The following OTUD7A variants were observed in gnomAD, a reference collection of about 807,000 sequenced individuals.
OTUD7A encodes the protein OTU deubiquitinase 7A, also known as OTU domain-containing protein 7A.
In OTUD7A, 12 loss-of-function variants were observed where a neutral mutation model predicts 65.7. The observed-to-expected ratio is 0.18, with a 90% CI of 0.12 to 0.30. The LOEUF (loss-of-function observed/expected upper bound fraction) is 0.30, where lower values mean the gene tolerates loss of function less well. OTUD7A is among the 10% of genes least tolerant of loss of function. OTUD7A has a pLI of 1.00. For missense variants in OTUD7A, 1,148 were observed against 1,304.8 expected (o/e 0.88, Z 1.85); for synonymous variants, 641 against 586.3 (o/e 1.09, Z -1.35).
Position 31,863,590 on chromosome 15 carries a change from G to A in OTUD7A, c.-100+6917C>T, listed in dbSNP as rs193011813. Reference sequence around the variant, plus strand: ...CTCTATGTAGGCCCCTTTTGGCCACGGGTGGAATGGCTGAGACACAGGGCA... The same window carrying A: ...CTCTATGTAGGCCCCTTTTGGCCACAGGTGGAATGGCTGAGACACAGGGCA... On this transcript the variant is annotated intron_variant, in intron 1 of 12. Coordinates refer to ENST00000307050, the MANE Select transcript of OTUD7A (RefSeq NM_001382637.1). Among the ~76,000 whole-genome samples the A allele has an allele frequency of 8.5e-5, 13 of 152,262 alleles. No individual in the cohort carries two copies. In the East Asian group the frequency reaches 2.1e-3, roughly 25 times the overall value.
chr15:31,787,194 T>A (rs78375821), intron 1 of OTUD7A, among the ~76,000 whole-genome samples: 2,220 of 152,258 alleles, frequency 0.015, 60 homozygotes, highest in African/African-American at 0.052. Context: ...TGTGATGGCC[T>A]TATTGGAGCA....
Position 31,648,847 on chromosome 15 carries a change from G to A in OTUD7A, c.151+6249C>T, listed in dbSNP as rs139903588. On this transcript the variant is annotated intron_variant, in intron 3 of 12. Coordinates refer to ENST00000307050, the MANE Select transcript of OTUD7A (RefSeq NM_001382637.1). ...GCGATCTCAGCTCACTACAACCTCC[G>A]CCTCCTGGGTTTAAGCGATTCTCCT... 4.6e-3 allele frequency among the ~76,000 whole-genome samples: 699 copies of A among 152,200 alleles called. 4 individuals are homozygous for A. The highest frequency in any genetic ancestry group is 0.016 in the African/African-American group (670 of 41,530).
intron 1 of OTUD7A, among the ~76,000 whole-genome samples, chr15:31,801,972 C>T (rs2140949590): frequency 6.6e-6 from 1 of 152,208 alleles, no homozygotes; most frequent in Admixed American, 6.5e-5. Flanking sequence ...ATCCTGCAAG[C>T]TCCATGTACC....
chr15:31,641,283 C>T (rs1891509013), intron 3 of OTUD7A, among the ~76,000 whole-genome samples: 1 of 152,096 alleles, frequency 6.6e-6, no homozygotes, highest in Non-Finnish European at 1.5e-5. Flanking sequence ...TGAGGCCTCC[C>T]CAGTAATGTG....
In OTUD7A at chr15:31,866,118, T is replaced by C. The variant is rs78017509; in HGVS notation, c.-100+4389A>G. Reference sequence around the variant, plus strand: ...ACTTGTATTAGCATTAATGTGTATTTGACTTCTCAGAATGTGAGATGCTGT... The same window carrying C: ...ACTTGTATTAGCATTAATGTGTATTCGACTTCTCAGAATGTGAGATGCTGT... On this transcript the variant is annotated intron_variant, in intron 1 of 12. Coordinates refer to ENST00000307050, the MANE Select transcript of OTUD7A (RefSeq NM_001382637.1). Among the ~76,000 whole-genome samples, 1,372 of 152,382 alleles carry C rather than the reference T, an allele frequency of 9.0e-3. 24 individuals carry two copies. The highest frequency in any genetic ancestry group is 0.031 in the African/African-American group (1,304 of 41,592).
intron 10 of OTUD7A, among the ~76,000 whole-genome samples, chr15:31,490,489 A>T (rs1241783484): frequency 6.6e-6 from 1 of 152,232 alleles, no homozygotes; most frequent in African/African-American, 2.4e-5. Flanking sequence ...CAAATTCACA[A>T]CTTATCTTTA....
Position 31,484,870 on chromosome 15 carries a change from G to A in OTUD7A, c.1372-146C>T, listed in dbSNP as rs912318882. Reference sequence around the variant, plus strand: ...AGTCCCCACTGTCGCTCTGGTGACTGTGACATCCGGATGGGCGGTGCTGAA... The same window carrying A: ...AGTCCCCACTGTCGCTCTGGTGACTATGACATCCGGATGGGCGGTGCTGAA... On this transcript the variant is annotated intron_variant, in intron 12 of 12. Transcript: ENST00000307050. The surrounding 1 kb of genome is among the most constrained non-coding windows in gnomAD (Gnocchi z 4.5). The A allele has an allele frequency of 7.1e-6, 10 of 1,408,388 alleles. No homozygotes were observed. The African/African-American group carries it at 1.4e-4, about 20-fold the overall frequency. The allele number at this position is 1,408,388 out of a possible 1,614,324, so 87.2% of individuals were successfully genotyped here. A position where few individuals can be genotyped will look rare whatever the true frequency, so the allele number is the denominator to read the frequency against.
rs1276796244 is a variant in OTUD7A at position 31,753,719 on chromosome 15, TATTATA to T, written c.-99-96648_-99-96643del. ...TATATATATTATATATATATATATA[TATTATA>T]TATATATATATATATCTCACAGTTT... is the stretch of plus-strand genomic sequence containing the variant. On this transcript the variant is annotated intron_variant, in intron 1 of 12. Coordinates refer to ENST00000307050, the MANE Select transcript of OTUD7A (RefSeq NM_001382637.1). 3.6e-4 allele frequency among the ~76,000 whole-genome samples: 36 copies of T among 100,538 alleles called. 2 individuals carry two copies. Among genetic ancestry groups the T allele is most frequent in the African/African-American group, 1.1e-3 (34 of 30,948 alleles). 66.0% of individuals were successfully genotyped at this position (100,538 alleles called of 152,430 possible). A position where few individuals can be genotyped will look rare whatever the true frequency, so the allele number is the denominator to read the frequency against.
In OTUD7A at chr15:31,678,470, G is replaced by A. The variant is rs1025882219; in HGVS notation, c.-99-21393C>T. Among the ~76,000 whole-genome samples the A allele has an allele frequency of 2.6e-5, 4 of 152,168 alleles. No individual in the cohort carries two copies. In the East Asian group the frequency reaches 5.8e-4, roughly 22 times the overall value. ...CTCCCATCACAAGCCAGGAGGCCTA[G>A]GAGGAAAAAAACGGTTTTGTGGGTT... On this transcript the variant is annotated intron_variant, in intron 1 of 12. Transcript: ENST00000307050.
At chr15:31,797,954 T>G (rs990276697) in intron 1 of OTUD7A, among the ~76,000 whole-genome samples, 14 of 152,042 alleles carry the variant, frequency 9.2e-5, no homozygotes, top group African/African-American at 1.9e-4. Context: ...GTCAGCAGGG[T>G]TGATTTCTCC....
At chr15:31,669,311 G>A (rs1486627209) in intron 1 of OTUD7A, among the ~76,000 whole-genome samples, 1 of 152,192 alleles carries the variant, frequency 6.6e-6, no homozygotes, top group African/African-American at 2.4e-5. Context: ...CTGTCCTTCG[G>A]TGCGTCTTGC....
At chr15:31,634,260 G>T (rs1362949416) in intron 3 of OTUD7A, among the ~76,000 whole-genome samples, 1 of 152,162 alleles carries the variant, frequency 6.6e-6, no homozygotes, top group Non-Finnish European at 1.5e-5. Context: ...GAGAGAGGGA[G>T]ACCTCAAAAG....
intron 1 of OTUD7A, among the ~76,000 whole-genome samples, chr15:31,682,380 G>C (rs1204830617): frequency 6.6e-6 from 1 of 152,194 alleles, no homozygotes; most frequent in Non-Finnish European, 1.5e-5. Flanking sequence ...TGTAGGCACA[G>C]ACAAGCTGAT....
chr15:31,558,619 A>G (rs1164461394), intron 5 of OTUD7A: 3 of 299,646 alleles, frequency 1.0e-5, no homozygotes, highest in African/African-American at 2.1e-5. Context: ...TCTAAAGCCC[A>G]TGGTCTTTCC....
chr15:31,779,543 G>A (rs1024592222), intron 1 of OTUD7A, among the ~76,000 whole-genome samples: 36 of 152,248 alleles, frequency 2.4e-4, no homozygotes, highest in Non-Finnish European at 3.5e-4. Context: ...GGTAATTGAC[G>A]GTAAAGAAGC....
At chr15:31,635,613 C>T (rs7177983) in intron 3 of OTUD7A, among the ~76,000 whole-genome samples, 16,485 of 152,198 alleles carry the variant, frequency 0.11, 2,435 homozygotes, top group African/African-American at 0.34. Flanking sequence ...AGAAAGCAGA[C>T]AGTGGGGCAT....
chr15:31,841,649 C>A (rs1897185351), intron 1 of OTUD7A, among the ~76,000 whole-genome samples: 2 of 152,156 alleles, frequency 1.3e-5, no homozygotes, highest in Admixed American at 1.3e-4. Flanking sequence ...CTGCCTCTGT[C>A]AAGACCAGTA....
intron 1 of OTUD7A, among the ~76,000 whole-genome samples, chr15:31,679,175 AC>A (rs1210832581): frequency 6.6e-6 from 1 of 152,156 alleles, no homozygotes; most frequent in East Asian, 1.9e-4. Context: ...GGCTGTATTC[AC>A]CCAATGCTTG....
chr15:31,536,845 T>G (rs1887818077), intron 5 of OTUD7A, among the ~76,000 whole-genome samples: 2 of 151,644 alleles, frequency 1.3e-5, no homozygotes, highest in Admixed American at 1.3e-4. Flanking sequence ...GAAGGGTGAG[T>G]GGTGAGGGAC....
Sources: gnomAD v4.1 joint callset for allele counts (sites outside exome capture counted in the v4.1 genomes callset) on GRCh38, gnomAD v4.1.1 for gene constraint, Gnocchi (gnomAD v3.1) non-coding constraint, MANE v1.5 for transcripts, NCBI Gene and HGNC (gene_info 2026-07-23, HGNC 2026-07-21) for gene names.